ST6GALNAC3: variants seen among roughly 807,000 people sequenced by gnomAD.
ST6GALNAC3 encodes the protein alpha-N-acetylgalactosaminide alpha-2,6-sialyltransferase 3.
ST6GALNAC3 carries 25 observed loss-of-function variants against 32.7 expected under a neutral mutation model. That is an observed-to-expected ratio of 0.76 (90% CI 0.56 to 1.07). The LOEUF (loss-of-function observed/expected upper bound fraction) is 1.07. Ranked by LOEUF, ST6GALNAC3 falls within the 50% of genes least tolerant of loss-of-function variation. ST6GALNAC3 has a pLI of 0.00. For missense variants in ST6GALNAC3, 355 were observed against 382.4 expected (o/e 0.93, Z 0.60); for synonymous variants, 129 against 133.1 (o/e 0.97, Z 0.21).
At chr1:76,332,707 C>T (rs189268993) in intron 2 of ST6GALNAC3, among the ~76,000 whole-genome samples, 2 of 152,216 alleles carry the variant, frequency 1.3e-5, no homozygotes, top group South Asian at 2.1e-4. Flanking sequence ...TGGTATCTGC[C>T]CACCTCTCAG....
At chr1:76,252,896 C>T (rs191189895) in intron 1 of ST6GALNAC3, among the ~76,000 whole-genome samples, 2 of 152,182 alleles carry the variant, frequency 1.3e-5, no homozygotes, top group Non-Finnish European at 2.9e-5. Flanking sequence ...TACCTTATTG[C>T]CATGTGTCAG....
chr1:76,487,029 T>C (rs1056798944), intron 3 of ST6GALNAC3, among the ~76,000 whole-genome samples: 3 of 152,160 alleles, frequency 2.0e-5, no homozygotes, highest in Non-Finnish European at 4.4e-5. Context: ...AAAATTCTTC[T>C]CTTTAAGAAT....
chr1:76,621,038 GCCATAAATCATA>G (rs1250733927), intron 3 of ST6GALNAC3, among the ~76,000 whole-genome samples: 1 of 152,018 alleles, frequency 6.6e-6, no homozygotes, highest in Non-Finnish European at 1.5e-5. Flanking sequence ...TTCTATAGCA[GCCATAAATCATA>G]CCATTGGGAG....
chr1:76,429,095 G>T (rs928890642), intron 3 of ST6GALNAC3, among the ~76,000 whole-genome samples: 2 of 151,990 alleles, frequency 1.3e-5, no homozygotes, highest in Admixed American at 1.3e-4. Context: ...ACTAATCTGT[G>T]CTTATATATT....
intron 3 of ST6GALNAC3, among the ~76,000 whole-genome samples, chr1:76,450,600 C>G (rs1571268086): frequency 6.6e-6 from 1 of 152,002 alleles, no homozygotes; most frequent in Non-Finnish European, 1.5e-5. Context: ...GTTGCATTTA[C>G]TTTGGGTTCT....
At position 76,191,928 on chromosome 1, in the gene ST6GALNAC3, A is replaced by T. The variant is rs560501856; in HGVS notation, c.18+117044A>T. On this transcript the variant is annotated intron_variant, in intron 1 of 4. Transcript: ENST00000328299. ...GGAGGTGGAGTCACTTTTTGAGCAT[A>T]AAGGGGCAGACCTGGTCATGGGATT... Among the ~76,000 whole-genome samples, 117 of 152,260 alleles carry T rather than the reference A, an allele frequency of 7.7e-4. 1 individual carries two copies. Among genetic ancestry groups the T allele is most frequent in the Non-Finnish European group, 1.5e-3 (103 of 68,012 alleles).
At chr1:76,376,541 A>T (rs1651249974) in intron 2 of ST6GALNAC3, among the ~76,000 whole-genome samples, 1 of 152,314 alleles carries the variant, frequency 6.6e-6, no homozygotes, top group Non-Finnish European at 1.5e-5. Flanking sequence ...AGAACGTTGT[A>T]TAAATGGAAT....
intron 2 of ST6GALNAC3, among the ~76,000 whole-genome samples, chr1:76,357,143 T>TTTTTTC (rs1420644831): frequency 6.8e-6 from 1 of 145,986 alleles, no homozygotes; most frequent in Non-Finnish European, 1.5e-5. Flanking sequence ...TTTTTTTTTT[T>TTTTTTC]TTCATTTTTG....
Position 76,587,694 on chromosome 1 carries a change from G to A in ST6GALNAC3, c.624-39758G>A, listed in dbSNP as rs137870736. Among the ~76,000 whole-genome samples, 75 of 152,258 alleles carry A rather than the reference G, an allele frequency of 4.9e-4. 1 individual carries two copies. The highest frequency in any genetic ancestry group is 1.7e-3 in the African/African-American group (72 of 41,552). ...AGGAAAAGCATCCCGTCAAGTTCTGGGCACGTAATGGCTCTTGATAAATGG... is the reference window on the plus strand; with the variant it reads ...AGGAAAAGCATCCCGTCAAGTTCTGAGCACGTAATGGCTCTTGATAAATGG... On this transcript the variant is annotated intron_variant, in intron 3 of 4. Coordinates refer to ENST00000328299, the MANE Select transcript of ST6GALNAC3 (RefSeq NM_152996.4).
At chr1:76,504,684 G>A (rs560081399) in intron 3 of ST6GALNAC3, among the ~76,000 whole-genome samples, 1 of 152,126 alleles carries the variant, frequency 6.6e-6, no homozygotes, top group Non-Finnish European at 1.5e-5. Context: ...TCTTAGATTT[G>A]AAAGAACCTA....
chr1:76,323,896 A>G (rs7531378), intron 2 of ST6GALNAC3, among the ~76,000 whole-genome samples: 52 of 151,788 alleles, frequency 3.4e-4, no homozygotes, highest in Non-Finnish European at 5.7e-4. Context: ...GTCTCATTCT[A>G]TAGCCCAAGC....
At chr1:76,350,663 A>G (rs1041422791) in intron 2 of ST6GALNAC3, among the ~76,000 whole-genome samples, 9 of 152,332 alleles carry the variant, frequency 5.9e-5, no homozygotes, top group African/African-American at 2.2e-4. Context: ...CTGGCTTCAT[A>G]GATAAGCCTT....
chr1:76,080,647 AC>A lies in ST6GALNAC3; in HGVS notation c.18+5764del, dbSNP rs1222733459. 5.6e-3 allele frequency among the ~76,000 whole-genome samples: 844 copies of A among 151,438 alleles called. 7 individuals carry two copies. The highest frequency in any genetic ancestry group is 0.019 in the African/African-American group (793 of 41,238). On this transcript the variant is annotated intron_variant, in intron 1 of 4. Coordinates refer to ENST00000328299, the MANE Select transcript of ST6GALNAC3 (RefSeq NM_152996.4). ...ACAGATAAACCAAAAAAAAAAAAAA[AC>A]AATCAAAAACCAAACACCCACAACC...
intron 3 of ST6GALNAC3, among the ~76,000 whole-genome samples, chr1:76,456,437 C>T (rs1485138494): frequency 6.6e-6 from 1 of 152,030 alleles, no homozygotes; most frequent in Non-Finnish European, 1.5e-5. Context: ...GCCTCCGCCT[C>T]CTGGGTTCAA....
intron 2 of ST6GALNAC3, among the ~76,000 whole-genome samples, chr1:76,404,170 G>A (rs1653639648): frequency 6.6e-6 from 1 of 152,082 alleles, no homozygotes; most frequent in South Asian, 2.1e-4. Flanking sequence ...CAAGGTAAAT[G>A]CCACATCCCA....
intron 3 of ST6GALNAC3, among the ~76,000 whole-genome samples, chr1:76,600,127 G>T (rs543641287): frequency 2.0e-5 from 3 of 151,550 alleles, no homozygotes; most frequent in African/African-American, 7.3e-5. Flanking sequence ...GGGTCCTCAC[G>T]ATTGGGATTA....
chr1:76,419,045 G>GCACACACACACACA (rs147952829), intron 3 of ST6GALNAC3, among the ~76,000 whole-genome samples: 1 of 148,870 alleles, frequency 6.7e-6, no homozygotes, highest in Non-Finnish European at 1.5e-5. Flanking sequence ...ACCCTCATGT[G>GCACACACACACACA]CACACACACA....
rs972353083 is a variant in ST6GALNAC3, at chr1:76,419,955, T to G, written c.623+7538T>G. 5.9e-5 allele frequency among the ~76,000 whole-genome samples: 9 copies of G among 151,448 alleles called. No individual in the cohort carries two copies. The East Asian group carries it at 1.2e-3, about 20-fold the overall frequency. On this transcript the variant is annotated intron_variant, in intron 3 of 4. Transcript: ENST00000328299. ...TTCTTTCTTTCTTTCTTTTTTTTTT[T>G]TTTGTTTGTTTGTTTCAAGGAGTGG... is the stretch of plus-strand genomic sequence containing the variant.
In ST6GALNAC3 at chr1:76,424,776, G is replaced by A. The variant is rs578011179; in HGVS notation, c.623+12359G>A. The stretch of plus-strand genomic sequence containing the variant: ...GGCTTCACCTATTCAAGTATTTCTG[G>A]CTATTTGATGCAAGGCAAGTTTGGG... On this transcript the variant is annotated intron_variant, in intron 3 of 4. Coordinates refer to ENST00000328299, the MANE Select transcript of ST6GALNAC3 (RefSeq NM_152996.4). 1.3e-3 allele frequency among the ~76,000 whole-genome samples: 195 copies of A among 151,964 alleles called. 1 individual carries two copies. Among genetic ancestry groups the A allele is most frequent in the African/African-American group, 4.4e-3 (184 of 41,492 alleles).
Sources: allele counts gnomAD v4.1 joint callset (sites outside exome capture counted in the v4.1 genomes callset), GRCh38; gene constraint gnomAD v4.1.1; transcripts MANE v1.5; gene names NCBI Gene and HGNC (gene_info 2026-07-23, HGNC 2026-07-21).